The following CHN1 variants were observed in gnomAD, a reference collection of about 807,000 sequenced individuals.
CHN1 encodes the protein N-chimaerin.
CHN1 carries 37 observed loss-of-function variants against 59.5 expected under a neutral mutation model. The observed-to-expected ratio is 0.62, with a 90% CI of 0.48 to 0.82. CHN1 has a LOEUF of 0.82. Ranked by LOEUF, CHN1 falls within the 40% of genes least tolerant of loss-of-function variation. The pLI is 0.00. For synonymous variants in CHN1, 206 were observed against 200.4 expected (o/e 1.03, Z -0.24); for missense variants, 469 against 571.0 (o/e 0.82, Z 1.82).
At chr2:174,928,535 C>T (rs1047775895) in intron 3 of CHN1, among the ~76,000 whole-genome samples, 2 of 152,126 alleles carry the variant, frequency 1.3e-5, no homozygotes, top group Admixed American at 6.5e-5. Context: ...AGAACAGACA[C>T]ATTTATAGAT....
At chr2:174,923,314 G>C (rs1574169611) in intron 3 of CHN1, among the ~76,000 whole-genome samples, 1 of 152,076 alleles carries the variant, frequency 6.6e-6, no homozygotes, top group Middle Eastern at 3.4e-3. Flanking sequence ...CTAATTTTTT[G>C]TATTTTTAGT....
intron 1 of CHN1, among the ~76,000 whole-genome samples, chr2:174,990,708 C>T (rs890458800): frequency 6.6e-6 from 1 of 152,200 alleles, no homozygotes; most frequent in Non-Finnish European, 1.5e-5. Context: ...CCCAGAGAAG[C>T]ATTTCTCTTC....
chr2:174,834,877 A>C (rs538331904), intron 7 of CHN1, among the ~76,000 whole-genome samples: 44 of 152,230 alleles, frequency 2.9e-4, no homozygotes, highest in Non-Finnish European at 5.1e-4. Context: ...TAAAACCACA[A>C]AACTATAAAC....
chr2:174,847,579 C>T, intron 6 of CHN1: 1 of 1,287,586 alleles, frequency 7.8e-7, no homozygotes, highest in Non-Finnish European at 1.0e-6. Flanking sequence ...CAACAGACAC[C>T]CTATGAAGCC....
chr2:174,805,653 T>C (rs1684860597), intron 11 of CHN1, among the ~76,000 whole-genome samples: 1 of 152,186 alleles, frequency 6.6e-6, no homozygotes, highest in South Asian at 2.1e-4. Context: ...CCTGGAAGGA[T>C]CTGGAAAATG....
At chr2:174,867,362 G>C (rs1687253721) in intron 6 of CHN1, among the ~76,000 whole-genome samples, 1 of 149,920 alleles carries the variant, frequency 6.7e-6, no homozygotes, top group African/African-American at 2.5e-5. Context: ...ACAGGTGACA[G>C]AGCGAGACTC....
intron 3 of CHN1, among the ~76,000 whole-genome samples, chr2:174,927,890 A>G (rs1441764541): frequency 2.0e-5 from 3 of 152,216 alleles, no homozygotes; most frequent in Non-Finnish European, 1.5e-5. Context: ...CATGAAAATA[A>G]TATGACTACA....
chr2:174,969,137 T>C (rs911665015), intron 1 of CHN1, among the ~76,000 whole-genome samples: 6 of 152,190 alleles, frequency 3.9e-5, no homozygotes, highest in African/African-American at 1.4e-4. Flanking sequence ...GGATAAGGGA[T>C]TACAGACCTG....
chr2:174,847,887 A>AACAT, intron 6 of CHN1: 1 of 409,546 alleles, frequency 2.4e-6, no homozygotes, highest in East Asian at 7.0e-5. Flanking sequence ...GAGGAAAATT[A>AACAT]ACATACATAC....
At chr2:174,847,449 T>C (rs11556875) in intron 6 of CHN1, 3 of 1,191,742 alleles carry the variant, frequency 2.5e-6, no homozygotes, top group Non-Finnish European at 3.1e-6. Context: ...CTTTATCATT[T>C]TTTAAAAGGC....
rs560338609 is a variant in CHN1 at position 174,923,181 on chromosome 2, C to A, written c.115-4616G>T. Among the ~76,000 whole-genome samples the A allele has an allele frequency of 1.5e-3, 231 of 151,954 alleles. 1 individual carries two copies. Among genetic ancestry groups the A allele is most frequent in the African/African-American group, 5.4e-3 (222 of 41,440 alleles). ...TTTGAGACGGAGTCTCGCTCTGTCA[C>A]CCAAGCTAGAGTGCAGTGGCTTGAT... On this transcript the variant is annotated intron_variant, in intron 3 of 12. Coordinates refer to ENST00000409900, the MANE Select transcript of CHN1 (RefSeq NM_001822.7).
chr2:174,991,424 G>A (rs138514319), intron 1 of CHN1, among the ~76,000 whole-genome samples: 2,033 of 152,270 alleles, frequency 0.013, 23 homozygotes, highest in Admixed American at 0.024. Context: ...ATTATAACAA[G>A]CCCTGTGTTT....
intron 2 of CHN1, among the ~76,000 whole-genome samples, chr2:174,950,523 A>G (rs1007752850): frequency 5.9e-5 from 9 of 152,006 alleles, no homozygotes; most frequent in African/African-American, 1.9e-4. Context: ...CAGCCTCCCA[A>G]AGTGTTGGGA....
chr2:174,874,872 CTTTTTTT>C (rs11406785), intron 6 of CHN1, among the ~76,000 whole-genome samples: 3 of 122,714 alleles, frequency 2.4e-5, no homozygotes, highest in African/African-American at 9.3e-5. Context: ...TTTATTTATT[CTTTTTTT>C]TTTTTTTTTT....
intron 1 of CHN1, among the ~76,000 whole-genome samples, chr2:175,000,087 T>C (rs894500180): frequency 2.0e-5 from 3 of 151,922 alleles, no homozygotes; most frequent in Non-Finnish European, 4.4e-5. Flanking sequence ...AAAGACAAAC[T>C]TTAAAGCTAA....
chr2:174,934,258 G>A (rs763339897), intron 3 of CHN1, among the ~76,000 whole-genome samples: 95 of 152,138 alleles, frequency 6.2e-4, no homozygotes, highest in Non-Finnish European at 1.6e-4. Flanking sequence ...CTCATCTGGG[G>A]GTAATGGGAG....
chr2:174,826,775 T>C (rs1023566877), intron 7 of CHN1, among the ~76,000 whole-genome samples: 1 of 152,200 alleles, frequency 6.6e-6, no homozygotes, highest in African/African-American at 2.4e-5. Context: ...TTAGATATGC[T>C]GAAGAGAGGA....
intron 5 of CHN1, among the ~76,000 whole-genome samples, chr2:174,890,840 A>ACC (rs1243480430): frequency 2.6e-5 from 4 of 152,126 alleles, no homozygotes; most frequent in Non-Finnish European, 5.9e-5. Context: ...GCCTCAAAAC[A>ACC]AGTCTTAAAA....
At chr2:174,836,438 A>G (rs772936417) in intron 7 of CHN1, among the ~76,000 whole-genome samples, 3 of 152,186 alleles carry the variant, frequency 2.0e-5, no homozygotes, top group Non-Finnish European at 4.4e-5. Flanking sequence ...TTCAGTTTCT[A>G]CACATGTAAA....
Sources: allele counts gnomAD v4.1 joint callset (sites outside exome capture counted in the v4.1 genomes callset), GRCh38; gene constraint gnomAD v4.1.1; transcripts MANE v1.5; gene names NCBI Gene and HGNC (gene_info 2026-07-23, HGNC 2026-07-21).